Variants in SHANK1 observed in about 807,000 individuals in gnomAD.
SHANK1 encodes the protein SH3 and multiple ankyrin repeat domains protein 1.
Under a neutral mutation model 165.6 loss-of-function variants are expected in SHANK1, and 35 were observed. That is an observed-to-expected ratio of 0.21 (90% confidence interval 0.16 to 0.28). The LOEUF is 0.28. SHANK1 is among the 10% of genes least tolerant of loss of function. SHANK1 has a pLI of 1.00. For missense variants in SHANK1, 2,681 were observed against 3,036.4 expected (o/e 0.88, Z 2.75); for synonymous variants, 1,428 against 1,384.8 (o/e 1.03, Z -0.69).
Position 50,659,308 on chromosome 19 carries a change from C to T in SHANK1, c.*2657G>A. 1.9e-6 allele frequency: 1 copy of T among 518,884 alleles called. No individual in the cohort carries two copies. 32.1% of individuals were successfully genotyped at this position (518,884 alleles called of 1,614,324 possible). ...TATAAAGAATGACCTGGTACAAAAG[C>T]CATTTCTCTCTGCAAAATCTTGGTG... is the stretch of plus-strand genomic sequence containing the variant. On this transcript the variant is annotated 3_prime_UTR_variant, in exon 24 of 24. Transcript: ENST00000293441.
rs536081617 is a variant in SHANK1 at position 50,706,724 on chromosome 19, G to A, written c.1078-2210C>T. On this transcript the variant is annotated intron_variant, in intron 8 of 23. Transcript: ENST00000293441. Reference sequence around the variant, plus strand: ...CAGAGAGGTCTTCTCTGGCCATCCTGTCTAAAAAAAAAACCCTTGTCCTCT... The same window carrying A: ...CAGAGAGGTCTTCTCTGGCCATCCTATCTAAAAAAAAAACCCTTGTCCTCT... Among the ~76,000 whole-genome samples, 124 of 147,520 alleles carry A rather than the reference G, an allele frequency of 8.4e-4. 1 individual carries two copies. The highest frequency in any genetic ancestry group is 2.9e-3 in the African/African-American group (119 of 40,786).
At chr19:50,703,011 C>T (rs2088886656) in intron 11 of SHANK1, among the ~76,000 whole-genome samples, 1 of 152,200 alleles carries the variant, frequency 6.6e-6, no homozygotes, top group African/African-American at 2.4e-5. Context: ...ACTCCTCTGC[C>T]CGCCGTTGCC....
At position 50,666,968 on chromosome 19, in the gene SHANK1, G is replaced by T; in HGVS notation, c.4992C>A (p.Gly1664=). The change falls in exon 23 of 24, where the codon GGC becomes GGA. Residue 1664 remains glycine, a synonymous_variant. Transcript: ENST00000293441. ...AATCCGTGCCAGGCGGAGGGTCCGG[G>T]CCAGGCTGTGGGGCAGCGGGAGCCG... The part of the protein sequence containing the change: ...AAPAPAAPQP[G]PDPPPGTDSG... The T allele has an allele frequency of 6.3e-7, 1 of 1,588,556 alleles. No individual in the cohort carries two copies. Among genetic ancestry groups the T allele is most frequent in the Non-Finnish European group, 8.6e-7 (1 of 1,166,628 alleles).
chr19:50,692,864 C>T (rs1335389318), intron 15 of SHANK1, among the ~76,000 whole-genome samples: 1 of 147,714 alleles, frequency 6.8e-6, no homozygotes, highest in Non-Finnish European at 1.5e-5. Flanking sequence ...GCCATCCCCC[C>T]ATTTCCCGTG....
Position 50,665,737 on chromosome 19 carries a change from T to TAAAAAAAAAAAA in SHANK1, c.5768+443_5768+454dup, listed in dbSNP as rs71182756. On this transcript the variant is annotated intron_variant, in intron 23 of 23. Transcript: ENST00000293441. ...GGGTGACAGAGTGAGACCCTGTTTCTAAAAAAAAAAAAAAAGCCAGGCATG... is the reference window on the plus strand; with the variant it reads ...GGGTGACAGAGTGAGACCCTGTTTCTAAAAAAAAAAAAAAAAAAAAAAAAAAAGCCAGGCATG... Among the ~76,000 whole-genome samples, 112 of 98,152 alleles carry TAAAAAAAAAAAA rather than the reference T, an allele frequency of 1.1e-3. 6 individuals carry two copies. The highest frequency in any genetic ancestry group is 4.7e-3 in the African/African-American group (100 of 21,228). 64.4% of individuals were successfully genotyped at this position (98,152 alleles called of 152,430 possible).
rs770107725 is a variant in SHANK1, at chr19:50,686,841, A to G, written c.2390-29T>C. On this transcript the variant is annotated intron_variant, in intron 19 of 23. Coordinates refer to ENST00000293441, the MANE Select transcript of SHANK1 (RefSeq NM_016148.5). This position sits in a 1 kb window ranked among gnomAD's most constrained non-coding sequence, Gnocchi z 5.7. ...TGGGCAAAGAACACGGATGACGCCC[A>G]GGGAGCCCCCGGGGGCGGGGCGGAG... 1 of 1,611,750 alleles carries G rather than the reference A, an allele frequency of 6.2e-7. No homozygotes were observed. The highest frequency in any genetic ancestry group is 8.5e-7 in the Non-Finnish European group (1 of 1,178,702).
Position 50,660,039 on chromosome 19 carries a change from C to G in SHANK1, c.*1926G>C, listed in dbSNP as rs1231130782. The stretch of plus-strand genomic sequence containing the variant: ...CTCCCCTCATGGACGGAGCGCCCCC[C>G]CCTCTCGGGGGTAGGGGGCAGCAGA... On this transcript the variant is annotated 3_prime_UTR_variant, in exon 24 of 24. Coordinates refer to ENST00000293441, the MANE Select transcript of SHANK1 (RefSeq NM_016148.5). Among the ~76,000 whole-genome samples the G allele has an allele frequency of 6.6e-6, 1 of 151,208 alleles. No homozygotes were observed. The highest frequency in any genetic ancestry group is 1.5e-5 in the Non-Finnish European group (1 of 67,686).
Position 50,662,817 on chromosome 19 carries a change from ACGG to A in SHANK1, c.5769-138_5769-136del. The A allele has an allele frequency of 5.4e-6, 5 of 920,766 alleles. No homozygotes were observed. The highest frequency in any genetic ancestry group is 8.3e-6 in the Non-Finnish European group (5 of 605,466). The allele number at this position is 920,766 out of a possible 1,614,324, so 57.0% of individuals were successfully genotyped here. On this transcript the variant is annotated intron_variant, in intron 23 of 23. Transcript: ENST00000293441. This position sits in a 1 kb window ranked among gnomAD's most constrained non-coding sequence, Gnocchi z 7.7. ...GGGTAGGGGGAGAGACGGAGGAGAG[ACGG>A]GAAGAAATGGAGGGAGCAAGGGGTA...
Position 50,669,111 on chromosome 19 carries a change from C to T in SHANK1, c.2849G>A (p.Arg950Gln), listed in dbSNP as rs750030311. 4.7e-6 allele frequency: 7 copies of T among 1,483,836 alleles called. No individual in the cohort carries two copies. Among genetic ancestry groups the T allele is most frequent in the East Asian group, 2.6e-5 (1 of 38,852 alleles). 91.9% of individuals were successfully genotyped at this position (1,483,836 alleles called of 1,614,324 possible). A position where few individuals can be genotyped will look rare whatever the true frequency, so the allele number is the denominator to read the frequency against. Residue 950 changes from arginine (R) to glutamine (Q), a missense_variant, in exon 23 of 24, where the codon CGG becomes CAG. This residue lies in a region of SHANK1 where 1,713 missense variants were observed against 1,630.2 expected (regional missense o/e 1.05). Transcript: ENST00000293441. ...AGAGCCAGGGTTGAAGGGCCCTCCC[C>T]GAGGGGAGGGGGTGAGGCGCCCTGA... The part of the protein sequence containing the change: ...SSSGRLTPSP[R>Q]GGPFNPGSGG...
At chr19:50,694,854 C>T (rs1986678189) in intron 15 of SHANK1, among the ~76,000 whole-genome samples, 1 of 149,366 alleles carries the variant, frequency 6.7e-6, no homozygotes. Flanking sequence ...CACCGCGGGC[C>T]GGGGCCTGCC....
intron 4 of SHANK1, among the ~76,000 whole-genome samples, chr19:50,714,935 G>A (rs2089053206): frequency 6.6e-6 from 1 of 152,226 alleles, no homozygotes; most frequent in East Asian, 1.9e-4. Context: ...AAGCACTCAG[G>A]AGCCACACTT....
intron 21 of SHANK1, among the ~76,000 whole-genome samples, chr19:50,676,728 C>T (rs1599846714): frequency 1.3e-5 from 2 of 152,172 alleles, no homozygotes; most frequent in East Asian, 3.8e-4. Flanking sequence ...CCCCAATACT[C>T]TTTCTACTCT....
At position 50,702,881 on chromosome 19, in the gene SHANK1, C is replaced by T. The variant is rs1397071711; in HGVS notation, c.1554-221G>A. ...TCCTGCCTCCTGGCTTCCGGCTCTG[C>T]CCCCTCCCACGGTCCTGCGCGCACC... is the stretch of plus-strand genomic sequence containing the variant. On this transcript the variant is annotated intron_variant, in intron 11 of 23. Coordinates refer to ENST00000293441, the MANE Select transcript of SHANK1 (RefSeq NM_016148.5). This position sits in a 1 kb window ranked among gnomAD's most constrained non-coding sequence, Gnocchi z 5.3. Among the ~76,000 whole-genome samples the T allele has an allele frequency of 1.3e-5, 2 of 152,036 alleles. No individual in the cohort carries two copies. The highest frequency in any genetic ancestry group is 6.5e-5 in the Admixed American group (1 of 15,284).
At chr19:50,673,865 C>T (rs1985888917) in intron 21 of SHANK1, among the ~76,000 whole-genome samples, 1 of 149,584 alleles carries the variant, frequency 6.7e-6, no homozygotes, top group Non-Finnish European at 1.5e-5. Flanking sequence ...GTTAACACGG[C>T]TCACTGCAGC....
At position 50,667,518 on chromosome 19, in the gene SHANK1, G is replaced by A. The variant is rs769695891; in HGVS notation, c.4442C>T (p.Ala1481Val). The A allele has an allele frequency of 3.2e-4, 481 of 1,518,622 alleles. 2 individuals are homozygous for A. The highest frequency in any genetic ancestry group is 3.1e-4 in the Non-Finnish European group (356 of 1,146,554). 94.1% of individuals were successfully genotyped at this position (1,518,622 alleles called of 1,614,324 possible). The change falls in exon 23 of 24, where the codon GCC becomes GTC. Residue 1481 changes from alanine to valine, a missense_variant. Coordinates refer to ENST00000293441, the MANE Select transcript of SHANK1 (RefSeq NM_016148.5). The surrounding 1 kb of genome is among the most constrained non-coding windows in gnomAD (Gnocchi z 5.7). ...CGGCAGCCGCTCGGGTTCTTCGGGG[G>A]CTGCGGACCTCCAGGGCTTGCTTAC... ...PGVSKPWRSA[A>V]PEEPERLPLH...
Position 50,718,786 on chromosome 19 carries a change from T to G in SHANK1, c.-44+620A>C, listed in dbSNP as rs914566927. Among the ~76,000 whole-genome samples the G allele has an allele frequency of 1.5e-4, 3 of 20,466 alleles. No individual in the cohort carries two copies. The highest frequency in any genetic ancestry group is 2.0e-4 in the African/African-American group (1 of 5,016). 13.4% of individuals were successfully genotyped at this position (20,466 alleles called of 152,430 possible). A position where few individuals can be genotyped will look rare whatever the true frequency, so the allele number is the denominator to read the frequency against. ...GCCGGAGCCGAGGCTGGGAAACTGGTGGGGGAGAACCCGGCCGGGGAGAGG... is the reference window on the plus strand; with the variant it reads ...GCCGGAGCCGAGGCTGGGAAACTGGGGGGGGAGAACCCGGCCGGGGAGAGG... On this transcript the variant is annotated intron_variant, in intron 1 of 23. Coordinates refer to ENST00000293441, the MANE Select transcript of SHANK1 (RefSeq NM_016148.5). This position sits in a 1 kb window ranked among gnomAD's most constrained non-coding sequence, Gnocchi z 5.1.
chr19:50,718,628 G>T lies in SHANK1; in HGVS notation c.-44+778C>A, dbSNP rs889960992. Among the ~76,000 whole-genome samples the T allele has an allele frequency of 6.6e-6, 1 of 152,016 alleles. No individual in the cohort carries two copies. Among genetic ancestry groups the T allele is most frequent in the Non-Finnish European group, 1.5e-5 (1 of 67,972 alleles). Reference sequence around the variant, plus strand: ...AGACGGGCTGAGGAATCGGCGAGGGGGGTGGTGGAGGACGCGAGAGAGGGG... The same window carrying T: ...AGACGGGCTGAGGAATCGGCGAGGGTGGTGGTGGAGGACGCGAGAGAGGGG... On this transcript the variant is annotated intron_variant, in intron 1 of 23. Coordinates refer to ENST00000293441, the MANE Select transcript of SHANK1 (RefSeq NM_016148.5). The surrounding 1 kb of genome is among the most constrained non-coding windows in gnomAD (Gnocchi z 5.1).
Position 50,686,682 on chromosome 19 carries a change from G to C in SHANK1, c.2458+62C>G, listed in dbSNP as rs1322387312. The stretch of plus-strand genomic sequence containing the variant: ...CGCCGTGGGGTTCATGGTGGGACAG[G>C]GATGCAGCGGGTGCCGGGGCTGGGG... On this transcript the variant is annotated intron_variant, in intron 20 of 23. Coordinates refer to ENST00000293441, the MANE Select transcript of SHANK1 (RefSeq NM_016148.5). The surrounding 1 kb of genome is among the most constrained non-coding windows in gnomAD (Gnocchi z 5.7). The C allele has an allele frequency of 1.3e-6, 2 of 1,490,388 alleles. No individual in the cohort carries two copies. Among genetic ancestry groups the C allele is most frequent in the East Asian group, 2.3e-5 (1 of 43,902 alleles). 92.3% of individuals were successfully genotyped at this position (1,490,388 alleles called of 1,614,324 possible).
chr19:50,666,192 C>A lies in SHANK1; in HGVS notation c.5768G>T (p.Arg1923Ile). ...TTGTTGGCCACCAGCCCCCGCTTAC[C>A]TCTGCCGCTGCAGGGAGGAGGTCCT... Reference protein sequence around the residue: ...PERTSSLQRQRLSDDSQSSLL... With the variant: ...PERTSSLQRQILSDDSQSSLL... Residue 1923 changes from arginine to isoleucine, a missense_variant and splice_region_variant, in exon 23 of 24, where the codon AGA becomes ATA. Around this residue, in one of 10 missense-constraint regions of SHANK1, gnomAD observed 1,713 missense variants for 1,630.2 expected, o/e 1.05. Transcript: ENST00000293441. The A allele has an allele frequency of 6.3e-7, 1 of 1,589,202 alleles. No homozygotes were observed. The highest frequency in any genetic ancestry group is 2.3e-5 in the East Asian group (1 of 43,982).
Sources: gnomAD v4.1 joint callset for allele counts (sites outside exome capture counted in the v4.1 genomes callset) on GRCh38, gnomAD v4.1.1 for gene constraint, gnomAD v4.1.1 regional missense constraint, Gnocchi (gnomAD v3.1) non-coding constraint, MANE v1.5 for transcripts, NCBI Gene and HGNC (gene_info 2026-07-23, HGNC 2026-07-21) for gene names.